SMURF2: variants seen among roughly 807,000 people sequenced by gnomAD.
SMURF2 encodes the protein E3 ubiquitin-protein ligase SMURF2.
In SMURF2, 48 loss-of-function variants were observed where a neutral mutation model predicts 109.6. That is an observed-to-expected ratio of 0.44 (90% CI 0.35 to 0.56). SMURF2 has a LOEUF of 0.56. SMURF2 is among the 20% of genes least tolerant of loss of function. The probability of loss-of-function intolerance (pLI) is 0.01; values close to 1 mark genes in which losing one functional copy is unlikely to be tolerated. For synonymous variants in SMURF2, 288 were observed against 317.1 expected, an observed-to-expected ratio of 0.91 and a Z score of 0.97; for missense variants, 575 against 909.0, an observed-to-expected ratio of 0.63 and a Z score of 4.72.
At chr17:64,657,410 G>C (rs1970719229) in intron 1 of SMURF2, among the ~76,000 whole-genome samples, 1 of 152,002 alleles carries the variant, frequency 6.6e-6, no homozygotes, top group Non-Finnish European at 1.5e-5. Flanking sequence ...GGCTCAAATA[G>C]GCCAGGCATG....
chr17:64,608,356 C>T (rs984079430), intron 1 of SMURF2, among the ~76,000 whole-genome samples: 9 of 151,994 alleles, frequency 5.9e-5, no homozygotes, highest in African/African-American at 1.7e-4. Flanking sequence ...ATTAAGTAAG[C>T]ACAAGATACT....
At chr17:64,597,637 G>T (rs1555688200) in intron 3 of SMURF2, among the ~76,000 whole-genome samples, 2 of 151,884 alleles carry the variant, frequency 1.3e-5, no homozygotes, top group Non-Finnish European at 2.9e-5. Context: ...GCTGAATGTG[G>T]TGGTGGGCAC....
chr17:64,588,262 A>G (rs1969694656), intron 5 of SMURF2, among the ~76,000 whole-genome samples: 1 of 152,066 alleles, frequency 6.6e-6, no homozygotes, highest in Non-Finnish European at 1.5e-5. Flanking sequence ...CTCCCAATGT[A>G]GCTGGGGCAT....
intron 1 of SMURF2, among the ~76,000 whole-genome samples, chr17:64,652,677 G>C (rs563246219): frequency 6.6e-6 from 1 of 152,218 alleles, no homozygotes; most frequent in East Asian, 1.9e-4. Context: ...GTAGAGACGG[G>C]GTTTTGCCAT....
intron 10 of SMURF2, among the ~76,000 whole-genome samples, chr17:64,570,175 C>A (rs2144619229): frequency 6.6e-6 from 1 of 152,260 alleles, no homozygotes; most frequent in African/African-American, 2.4e-5. Context: ...GCTTTATTAA[C>A]CTAACTCCAA....
At chr17:64,628,741 AG>A (rs1970298585) in intron 1 of SMURF2, among the ~76,000 whole-genome samples, 1 of 152,182 alleles carries the variant, frequency 6.6e-6, no homozygotes, top group African/African-American at 2.4e-5. Context: ...AGGTAAAGAA[AG>A]GGCAGCTCTT....
At chr17:64,597,397 A>G (rs565786584) in intron 3 of SMURF2, among the ~76,000 whole-genome samples, 2 of 152,254 alleles carry the variant, frequency 1.3e-5, no homozygotes, top group Admixed American at 1.3e-4. Context: ...TGAGCAATAG[A>G]GTGAGACTGT....
intron 1 of SMURF2, among the ~76,000 whole-genome samples, chr17:64,648,582 G>C (rs781874337): frequency 1.4e-4 from 21 of 151,920 alleles, no homozygotes; most frequent in Non-Finnish European, 2.5e-4. Context: ...GACCAGCCTG[G>C]GCAACATAAT....
intron 6 of SMURF2, among the ~76,000 whole-genome samples, chr17:64,584,198 A>C (rs1342477196): frequency 7.3e-5 from 11 of 150,744 alleles, no homozygotes; most frequent in African/African-American, 2.7e-4. Context: ...TGCGCCTGTA[A>C]TCCCAGCTAC....
chr17:64,646,688 A>T (rs558758019), intron 1 of SMURF2, among the ~76,000 whole-genome samples: 1 of 152,096 alleles, frequency 6.6e-6, no homozygotes, highest in Non-Finnish European at 1.5e-5. Context: ...GGCCCTATAA[A>T]AATTATTTTT....
chr17:64,604,672 G>A (rs1019401045), intron 2 of SMURF2, among the ~76,000 whole-genome samples: 40 of 152,080 alleles, frequency 2.6e-4, no homozygotes, highest in African/African-American at 7.2e-4. Flanking sequence ...TCAGCCGGGC[G>A]CGATGGTTCA....
rs552380599 is a variant in SMURF2 at position 64,575,684 on chromosome 17, G to A, written c.857+2808C>T. On this transcript the variant is annotated intron_variant, in intron 9 of 18. Coordinates refer to ENST00000262435, the MANE Select transcript of SMURF2 (RefSeq NM_022739.4). ...GTTTTTTATTCAAATACACAATAGAGTCCTGAGCATAAGCTTTAGGCAGGA... is the reference window on the plus strand; with the variant it reads ...GTTTTTTATTCAAATACACAATAGAATCCTGAGCATAAGCTTTAGGCAGGA... Among the ~76,000 whole-genome samples the A allele has an allele frequency of 5.9e-5, 9 of 151,964 alleles. No individual in the cohort carries two copies. In the South Asian group the frequency reaches 1.7e-3, roughly 28 times the overall value.
intron 2 of SMURF2, among the ~76,000 whole-genome samples, chr17:64,602,898 C>G (rs1555688709): frequency 6.6e-6 from 1 of 151,958 alleles, no homozygotes; most frequent in East Asian, 1.9e-4. Context: ...GCACTCCAGC[C>G]CGGGTGTCAG....
At chr17:64,639,319 G>A (rs1275150594) in intron 1 of SMURF2, among the ~76,000 whole-genome samples, 1 of 152,140 alleles carries the variant, frequency 6.6e-6, no homozygotes, top group African/African-American at 2.4e-5. Flanking sequence ...AGTCACACCT[G>A]TAATCCCAGC....
intron 6 of SMURF2, among the ~76,000 whole-genome samples, chr17:64,584,091 G>A (rs1307767489): frequency 6.6e-6 from 1 of 152,002 alleles, no homozygotes; most frequent in African/African-American, 2.4e-5. Context: ...GCCAAGGTAG[G>A]CAGATCACCT....
intron 10 of SMURF2, among the ~76,000 whole-genome samples, chr17:64,568,698 A>G (rs909948296): frequency 5.3e-5 from 8 of 151,960 alleles, no homozygotes; most frequent in African/African-American, 1.9e-4. Flanking sequence ...TGCTGCCCCT[A>G]TATGCCCTTT....
rs1968940130 is a variant in SMURF2 at position 64,545,718 on chromosome 17, A to C, written c.*130T>G. 1 of 149,238 alleles carries C rather than the reference A, an allele frequency of 6.7e-6. No individual in the cohort carries two copies. The highest frequency in any genetic ancestry group is 1.2e-5 in the Non-Finnish European group (1 of 83,564). 9.2% of individuals were successfully genotyped at this position (149,238 alleles called of 1,614,324 possible). On this transcript the variant is annotated 3_prime_UTR_variant, in exon 19 of 19. Coordinates refer to ENST00000262435, the MANE Select transcript of SMURF2 (RefSeq NM_022739.4). Reference sequence around the variant, plus strand: ...TCCCCTCACAGTGTCCTAAAATGTAAAAAAAAAAAAAAAAAGGGGGGGGGG... The same window carrying C: ...TCCCCTCACAGTGTCCTAAAATGTACAAAAAAAAAAAAAAAGGGGGGGGGG...
At chr17:64,594,702 T>G (rs782646000) in intron 3 of SMURF2, among the ~76,000 whole-genome samples, 2 of 152,128 alleles carry the variant, frequency 1.3e-5, no homozygotes, top group Non-Finnish European at 2.9e-5. Flanking sequence ...AAAAGTTACA[T>G]TAGGCCGGGC....
At chr17:64,598,511 AAATT>A in intron 2 of SMURF2, 21 bp from the exon 3 acceptor site, 1 of 1,568,944 alleles carries the variant, frequency 6.4e-7, no homozygotes, top group Non-Finnish European at 8.7e-7. Context: ...AGATTTTCTA[AAATT>A]AATAATTTGA....
Sources: allele counts gnomAD v4.1 joint callset (sites outside exome capture counted in the v4.1 genomes callset), GRCh38; gene constraint gnomAD v4.1.1; transcripts MANE v1.5; gene names NCBI Gene and HGNC (gene_info 2026-07-23, HGNC 2026-07-21).